Variants in PDE6D observed in about 807,000 individuals in gnomAD.
The protein encoded by PDE6D is retinal rod rhodopsin-sensitive cGMP 3',5'-cyclic phosphodiesterase subunit delta.
Under a neutral mutation model 21.9 loss-of-function variants are expected in PDE6D, and 10 were observed. That is an observed-to-expected ratio of 0.46 (90% CI 0.28 to 0.78). The LOEUF (loss-of-function observed/expected upper bound fraction) is 0.78, where lower values mean the gene tolerates loss of function less well. Ranked by LOEUF, PDE6D falls within the 30% of genes least tolerant of loss-of-function variation. The probability of loss-of-function intolerance (pLI) is 0.12; values close to 1 mark genes in which losing one functional copy is unlikely to be tolerated. For synonymous variants in PDE6D, 59 were observed against 63.5 expected, an observed-to-expected ratio of 0.93 and a Z score of 0.34; for missense variants, 139 against 184.8, an observed-to-expected ratio of 0.75 and a Z score of 1.44.
chr2:231,760,986 T>G (rs1395344513), intron 1 of PDE6D, among the ~76,000 whole-genome samples: 2 of 152,132 alleles, frequency 1.3e-5, no homozygotes, highest in Non-Finnish European at 2.9e-5. Flanking sequence ...GAGTGGATGA[T>G]CTCTTCCATA....
At chr2:231,780,057 G>A (rs1187039662) in intron 1 of PDE6D, among the ~76,000 whole-genome samples, 2 of 152,170 alleles carry the variant, frequency 1.3e-5, no homozygotes, top group Non-Finnish European at 2.9e-5. Context: ...AAGTTGGCAG[G>A]AGAATGGAAA....
intron 2 of PDE6D, 140 bp downstream of exon 2, chr2:231,738,960 T>G: frequency 2.0e-6 from 1 of 503,766 alleles, no homozygotes; most frequent in East Asian, 3.6e-5. Context: ...TAACTGAAAC[T>G]GTCAACAACA....
At chr2:231,779,989 G>A (rs2049091874) in intron 1 of PDE6D, among the ~76,000 whole-genome samples, 1 of 152,192 alleles carries the variant, frequency 6.6e-6, no homozygotes, top group South Asian at 2.1e-4. Flanking sequence ...TTTTCACTGA[G>A]GGAGCAATTT....
intron 1 of PDE6D, among the ~76,000 whole-genome samples, chr2:231,774,020 A>G (rs1295758411): frequency 6.6e-6 from 1 of 151,246 alleles, no homozygotes; most frequent in Non-Finnish European, 1.5e-5. Flanking sequence ...TGCAACCTCC[A>G]CCTCCTGGGT....
intron 1 of PDE6D, among the ~76,000 whole-genome samples, chr2:231,768,430 G>C (rs993759136): frequency 6.6e-6 from 1 of 150,822 alleles, no homozygotes; most frequent in Non-Finnish European, 1.5e-5. Flanking sequence ...TCCCTCTGTC[G>C]TACATGCTGG....
At chr2:231,748,001 G>A (rs986889049) in intron 1 of PDE6D, among the ~76,000 whole-genome samples, 2 of 152,120 alleles carry the variant, frequency 1.3e-5, no homozygotes, top group African/African-American at 2.4e-5. Context: ...TCCAATTAAA[G>A]CTTTTTTTTT....
chr2:231,776,321 C>CTAA (rs2049056365), intron 1 of PDE6D, among the ~76,000 whole-genome samples: 1 of 54,052 alleles, frequency 1.9e-5, no homozygotes, highest in Non-Finnish European at 3.5e-5. Flanking sequence ...GACTCCGTCT[C>CTAA]AAAAAAAAAA....
intron 1 of PDE6D, among the ~76,000 whole-genome samples, chr2:231,763,922 A>C (rs2048951133): frequency 6.6e-6 from 1 of 151,488 alleles, no homozygotes; most frequent in African/African-American, 2.4e-5. Flanking sequence ...TACAAGCTTG[A>C]GCCACCAGGC....
chr2:231,739,977 A>G lies in PDE6D; in HGVS notation c.51-789T>C, dbSNP rs2048734143. 6.6e-6 allele frequency among the ~76,000 whole-genome samples: 1 copy of G among 152,170 alleles called. No individual in the cohort carries two copies. Among genetic ancestry groups the G allele is most frequent in the South Asian group, 2.1e-4 (1 of 4,828 alleles). ...TTATTATGAAAGACAGACCAAAACA[A>G]ACTAAAAGAAAAAAGTAACTTAGAA... On this transcript the variant is annotated intron_variant, in intron 1 of 4. Transcript: ENST00000287600. The surrounding 1 kb of genome is among the most constrained non-coding windows in gnomAD (Gnocchi z 4.2).
intron 1 of PDE6D, among the ~76,000 whole-genome samples, chr2:231,780,704 C>T (rs1237274395): frequency 6.6e-6 from 1 of 152,166 alleles, no homozygotes; most frequent in African/African-American, 2.4e-5. Context: ...CAGCCCTTCT[C>T]CGCGGGCCGC....
At chr2:231,773,743 T>C (rs2049032697) in intron 1 of PDE6D, among the ~76,000 whole-genome samples, 1 of 152,158 alleles carries the variant, frequency 6.6e-6, no homozygotes, top group Non-Finnish European at 1.5e-5. Context: ...TAACCTGCCA[T>C]AAATTAGAAT....
At chr2:231,780,824 C>A (rs1262392138) in intron 1 of PDE6D, among the ~76,000 whole-genome samples, 1 of 152,164 alleles carries the variant, frequency 6.6e-6, no homozygotes, top group South Asian at 2.1e-4. Flanking sequence ...CAGGCTCCCC[C>A]GTCTCCACCC....
chr2:231,741,845 A>G (rs1030010618), intron 1 of PDE6D, among the ~76,000 whole-genome samples: 2 of 152,202 alleles, frequency 1.3e-5, no homozygotes, highest in Admixed American at 6.6e-5. Flanking sequence ...CTAACACCCA[A>G]TATAATTTAC....
chr2:231,748,584 A>T (rs2048812303), intron 1 of PDE6D, among the ~76,000 whole-genome samples: 1 of 152,234 alleles, frequency 6.6e-6, no homozygotes. Flanking sequence ...AAATTTGCAT[A>T]AGTAGCAAGG....
At chr2:231,746,477 C>A (rs1574621685) in intron 1 of PDE6D, among the ~76,000 whole-genome samples, 1 of 152,290 alleles carries the variant, frequency 6.6e-6, no homozygotes, top group African/African-American at 2.4e-5. Flanking sequence ...CAAGATAATT[C>A]TTCTTCCAAT....
In PDE6D at chr2:231,739,164, A is replaced by G. The variant is rs1409980280; in HGVS notation, c.75T>C (p.Ala25=). The part of the protein sequence containing the change: ...FKLNWMNLRD[A]ETGKILWQGT... ...CTTGCCAGAGTATCTTCCCTGTCTC[A>G]GCATCCCGAAGGTTCATCCAATTTC... The change falls in exon 2 of 5, where the codon GCT becomes GCC. Residue 25 remains alanine (A), a synonymous_variant. Transcript: ENST00000287600. The surrounding 1 kb of genome is among the most constrained non-coding windows in gnomAD (Gnocchi z 4.2). The G allele has an allele frequency of 6.2e-7, 1 of 1,612,068 alleles. No individual in the cohort carries two copies. The highest frequency in any genetic ancestry group is 8.5e-7 in the Non-Finnish European group (1 of 1,178,172).
At chr2:231,762,310 TAAATCTG>T (rs2048937171) in intron 1 of PDE6D, among the ~76,000 whole-genome samples, 1 of 151,668 alleles carries the variant, frequency 6.6e-6, no homozygotes, top group East Asian at 1.9e-4. Flanking sequence ...TTTTTTTTTT[TAAATCTG>T]AAGTGGATTC....
At chr2:231,761,756 C>T (rs2048931767) in intron 1 of PDE6D, among the ~76,000 whole-genome samples, 1 of 152,138 alleles carries the variant, frequency 6.6e-6, no homozygotes, top group Non-Finnish European at 1.5e-5. Context: ...TGCTAACAGT[C>T]CCTCTTTTTT....
chr2:231,748,154 T>G (rs1250025131), intron 1 of PDE6D, among the ~76,000 whole-genome samples: 1 of 152,034 alleles, frequency 6.6e-6, no homozygotes, highest in Non-Finnish European at 1.5e-5. Context: ...CAGGCAGAGG[T>G]TGGAACAGTT....
Sources: gnomAD v4.1 joint callset for allele counts (sites outside exome capture counted in the v4.1 genomes callset) on GRCh38, gnomAD v4.1.1 for gene constraint, Gnocchi (gnomAD v3.1) non-coding constraint, MANE v1.5 for transcripts, NCBI Gene and HGNC (gene_info 2026-07-23, HGNC 2026-07-21) for gene names.